Variants in SDK1 observed in about 807,000 individuals in gnomAD.
SDK1 encodes the protein protein sidekick-1.
A neutral mutation model predicts 245.5 loss-of-function variants in SDK1; 157 were observed. That is an observed-to-expected ratio of 0.64 (90% CI 0.56 to 0.73). The LOEUF is 0.73. SDK1 is among the 30% of genes least tolerant of loss of function. The pLI is 0.00. For synonymous variants in SDK1, 1,647 were observed against 1,278.5 expected, an observed-to-expected ratio of 1.29 and a Z score of -6.15; for missense variants, 3,583 against 3,002.3, an observed-to-expected ratio of 1.19 and a Z score of -4.52.
intron 4 of SDK1, among the ~76,000 whole-genome samples, chr7:3,672,441 A>C (rs936949567): frequency 6.6e-6 from 1 of 151,462 alleles, no homozygotes; most frequent in Non-Finnish European, 1.5e-5. Context: ...CTCTTGAGGA[A>C]AAAAACAGAG....
intron 17 of SDK1, among the ~76,000 whole-genome samples, chr7:4,046,286 C>T (rs568736067): frequency 1.3e-5 from 2 of 152,236 alleles, no homozygotes; most frequent in East Asian, 1.9e-4. Context: ...GTCTTGCACA[C>T]GTTGTCTCCC....
intron 1 of SDK1, among the ~76,000 whole-genome samples, chr7:3,583,971 G>A (rs1318332726): frequency 2.0e-5 from 3 of 152,178 alleles, no homozygotes; most frequent in African/African-American, 7.2e-5. Flanking sequence ...TGGAACCCCA[G>A]TTTGGGGTCA....
intron 11 of SDK1, among the ~76,000 whole-genome samples, chr7:3,970,270 G>A (rs186678833): frequency 1.2e-3 from 184 of 152,272 alleles, no homozygotes; most frequent in African/African-American, 4.0e-3. Flanking sequence ...AAATCATTGT[G>A]CTTCATTTCA....
intron 4 of SDK1, among the ~76,000 whole-genome samples, chr7:3,693,420 G>A (rs1583313986): frequency 6.6e-6 from 1 of 152,212 alleles, no homozygotes; most frequent in East Asian, 1.9e-4. Context: ...TAAGGATTTT[G>A]ATTCGAATTA....
At chr7:3,462,933 A>G (rs1450935674) in intron 1 of SDK1, among the ~76,000 whole-genome samples, 6 of 152,154 alleles carry the variant, frequency 3.9e-5, no homozygotes, top group African/African-American at 1.4e-4. Context: ...TGCTGTAAGG[A>G]TAAAGACCAC....
At chr7:3,600,449 T>C (rs1249062543) in intron 1 of SDK1, among the ~76,000 whole-genome samples, 1 of 152,134 alleles carries the variant, frequency 6.6e-6, no homozygotes, top group East Asian at 1.9e-4. Flanking sequence ...CTTCCTATAC[T>C]ATGTTGAATA....
chr7:4,221,824 T>G (rs184023777), intron 40 of SDK1, among the ~76,000 whole-genome samples: 310 of 152,340 alleles, frequency 2.0e-3, no homozygotes, highest in African/African-American at 7.2e-3. Flanking sequence ...TTTTTAGGCT[T>G]CCGAAAATGA....
chr7:3,670,439 G>T (rs1022030752), intron 4 of SDK1, among the ~76,000 whole-genome samples: 2 of 152,116 alleles, frequency 1.3e-5, no homozygotes, highest in African/African-American at 4.8e-5. Flanking sequence ...TATGATCTTA[G>T]ACAAGTTCTT....
At chr7:3,619,561 C>A (rs929139132) in intron 2 of SDK1, among the ~76,000 whole-genome samples, 9 of 152,206 alleles carry the variant, frequency 5.9e-5, no homozygotes, top group African/African-American at 1.7e-4. Flanking sequence ...GGCAACAGCC[C>A]TACCCACAAG....
At chr7:3,537,397 T>A (rs982590619) in intron 1 of SDK1, among the ~76,000 whole-genome samples, 6 of 152,160 alleles carry the variant, frequency 3.9e-5, no homozygotes, top group African/African-American at 1.4e-4. Context: ...GCCCCTGAGC[T>A]CTTTCCCCTA....
chr7:3,344,938 A>C (rs1400050364), intron 1 of SDK1, among the ~76,000 whole-genome samples: 1 of 152,202 alleles, frequency 6.6e-6, no homozygotes, highest in Admixed American at 6.5e-5. Context: ...CACAAGCACA[A>C]ATTGACCTAC....
chr7:4,067,712 T>C (rs1274195507), intron 19 of SDK1, 126 bp from the exon 20 acceptor site: 6 of 622,124 alleles, frequency 9.6e-6, no homozygotes, highest in African/African-American at 3.7e-5. Context: ...TCCACTGATG[T>C]CTCCTGCAGG....
chr7:3,645,405 C>G (rs1782799441), intron 4 of SDK1, among the ~76,000 whole-genome samples: 1 of 152,150 alleles, frequency 6.6e-6, no homozygotes, highest in Non-Finnish European at 1.5e-5. Flanking sequence ...TCATCATCAC[C>G]CCAAGTCTAT....
At chr7:3,546,720 T>A (rs1339560824) in intron 1 of SDK1, among the ~76,000 whole-genome samples, 1 of 152,222 alleles carries the variant, frequency 6.6e-6, no homozygotes, top group Non-Finnish European at 1.5e-5. Context: ...GTGGTCACTT[T>A]GTGTTCCAGG....
At chr7:3,670,767 G>C (rs1301027739) in intron 4 of SDK1, among the ~76,000 whole-genome samples, 1 of 152,176 alleles carries the variant, frequency 6.6e-6, no homozygotes, top group African/African-American at 2.4e-5. Context: ...TTACATCCCA[G>C]CTGGCTCAGG....
chr7:3,913,991 C>T (rs1481309744), intron 5 of SDK1, among the ~76,000 whole-genome samples: 1 of 152,194 alleles, frequency 6.6e-6, no homozygotes, highest in Non-Finnish European at 1.5e-5. Flanking sequence ...CTGATGGTGC[C>T]TGCTTTTCTG....
At chr7:4,027,736 T>C (rs948747483) in intron 17 of SDK1, among the ~76,000 whole-genome samples, 3 of 152,170 alleles carry the variant, frequency 2.0e-5, no homozygotes, top group East Asian at 1.9e-4. Context: ...CATCACATTA[T>C]ATGACTTAAA....
chr7:3,840,186 C>T (rs1780122266), intron 5 of SDK1, among the ~76,000 whole-genome samples: 1 of 152,012 alleles, frequency 6.6e-6, no homozygotes, highest in African/African-American at 2.4e-5. Flanking sequence ...ATCTGAAGGC[C>T]ATGTTCAGTG....
rs140793924 is a variant in SDK1, at chr7:4,200,654, C to A, written c.5099-5225C>A. On this transcript the variant is annotated intron_variant, in intron 35 of 44. Coordinates refer to ENST00000404826, the MANE Select transcript of SDK1 (RefSeq NM_152744.4). ...CTCCATGGGGCCTCTCACAACATGG[C>A]AGCTGGCTTCCTTAGCATGGGCTGG... Among the ~76,000 whole-genome samples, 326 of 152,362 alleles carry A rather than the reference C, an allele frequency of 2.1e-3. 1 individual carries two copies. The highest frequency in any genetic ancestry group is 7.2e-3 in the African/African-American group (300 of 41,580).
Sources: gnomAD v4.1 joint callset for allele counts (sites outside exome capture counted in the v4.1 genomes callset) on GRCh38, gnomAD v4.1.1 for gene constraint, MANE v1.5 for transcripts, NCBI Gene and HGNC (gene_info 2026-07-23, HGNC 2026-07-21) for gene names.